The following COL4A4 variants were observed in gnomAD, a reference collection of about 807,000 sequenced individuals.
The protein encoded by COL4A4 is collagen alpha-4(IV) chain.
In COL4A4, 105 loss-of-function variants were observed where a neutral mutation model predicts 192.9. The ratio of observed to expected loss-of-function variants is 0.54; its 90% CI spans 0.46 to 0.64. The LOEUF (loss-of-function observed/expected upper bound fraction) is 0.64, where lower values mean the gene tolerates loss of function less well. Ranked by LOEUF, COL4A4 falls within the 30% of genes least tolerant of loss-of-function variation. The pLI is 0.00. For synonymous variants in COL4A4, 762 were observed against 769.9 expected, an observed-to-expected ratio of 0.99 and a Z score of 0.17; for missense variants, 1,967 against 2,169.3, an observed-to-expected ratio of 0.91 and a Z score of 1.85.
chr2:226,984,462 G>T, the COL4A4 span, among the ~76,000 whole-genome samples: 1 of 152,130 alleles, frequency 6.6e-6, no homozygotes, highest in South Asian at 2.1e-4. Flanking sequence ...CATCACGGGG[G>T]CTCCACCCTC....
At chr2:227,136,446 C>T in intron 4 of COL4A4, among the ~76,000 whole-genome samples, 1 of 152,182 alleles carries the variant, frequency 6.6e-6, no homozygotes, top group South Asian at 2.1e-4. Context: ...AATGAGTGGC[C>T]CAACTGCTGC....
At chr2:227,108,653 C>T (rs754882594) in intron 11 of COL4A4, 31 bp from the exon 12 acceptor site, 63 of 1,612,670 alleles carry the variant, frequency 3.9e-5, no homozygotes, top group Non-Finnish European at 5.3e-5. Flanking sequence ...AATCTAATTG[C>T]TTTTGAATTT....
chr2:227,118,594 C>A, intron 7 of COL4A4, 51 bp downstream of exon 7: 1 of 1,342,858 alleles, frequency 7.4e-7, no homozygotes, highest in Non-Finnish European at 1.1e-6. Context: ...TGTTCCACCA[C>A]AGGGCCTGTT....
intron 19 of COL4A4, among the ~76,000 whole-genome samples, chr2:227,096,619 T>A (rs1454304714): frequency 1.3e-5 from 2 of 152,320 alleles, no homozygotes; most frequent in Non-Finnish European, 1.5e-5. Flanking sequence ...TACACTAGAC[T>A]GCAGTCTAAA....
chr2:227,048,380 A>G (rs1411002876), intron 34 of COL4A4, among the ~76,000 whole-genome samples: 1 of 152,174 alleles, frequency 6.6e-6, no homozygotes, highest in Admixed American at 6.5e-5. Flanking sequence ...TCTTTCCTTG[A>G]GAAGATGGAA....
rs756949637 is a variant in COL4A4, at chr2:227,060,116, A to C, written c.2164+20T>G. The C allele has an allele frequency of 3.2e-5, 43 of 1,329,990 alleles. No homozygotes were observed. The highest frequency in any genetic ancestry group is 4.6e-5 in the East Asian group (2 of 43,632). The allele number at this position is 1,329,990 out of a possible 1,614,324, so 82.4% of individuals were successfully genotyped here. On this transcript the variant is annotated intron_variant, in intron 27 of 47. Transcript: ENST00000396625. The stretch of plus-strand genomic sequence containing the variant: ...TCCCAAAGCAGAAAAAAAAAAAAAA[A>C]AAAAAAAAACCTCACTGACCAGGTG...
chr2:227,049,000 C>T lies in COL4A4; in HGVS notation c.3214+1068G>A, dbSNP rs1576112585. Among the ~76,000 whole-genome samples the T allele has an allele frequency of 3.3e-5, 5 of 152,104 alleles. No homozygotes were observed. The East Asian group carries it at 9.7e-4, about 29-fold the overall frequency. On this transcript the variant is annotated intron_variant, in intron 34 of 47. Transcript: ENST00000396625. ...AGTAGTAAGGCAGAGGATTGTAGGT[C>T]ATTCATTAATTAGTATTTTATATTT...
At chr2:227,073,887 AC>A (rs1251236859) in intron 25 of COL4A4, among the ~76,000 whole-genome samples, 1 of 152,286 alleles carries the variant, frequency 6.6e-6, no homozygotes, top group East Asian at 1.9e-4. Flanking sequence ...CTCACCTTAT[AC>A]AAAAATCAAC....
At chr2:227,082,548 G>A (rs956732176) in intron 22 of COL4A4, among the ~76,000 whole-genome samples, 3 of 152,176 alleles carry the variant, frequency 2.0e-5, no homozygotes, top group East Asian at 1.9e-4. Context: ...CTTTATGACT[G>A]TGCAACGTCT....
chr2:226,973,324 T>G, the COL4A4 span, among the ~76,000 whole-genome samples: 75,115 of 152,080 alleles, frequency 0.49, 19,431 homozygotes, highest in African/African-American at 0.66. Context: ...AAAAAATTGT[T>G]TAAGACATTT....
intron 19 of COL4A4, 133 bp from the exon 20 acceptor site, chr2:227,094,422 T>C: frequency 1.2e-6 from 1 of 808,774 alleles, no homozygotes; most frequent in Non-Finnish European, 2.0e-6. Context: ...CTGGAGGTCA[T>C]TATGCTAAGT....
Position 227,068,578 on chromosome 2 carries a change from A to G in COL4A4, c.1988-5980T>C, listed in dbSNP as rs1286118794. Among the ~76,000 whole-genome samples, 12 of 152,356 alleles carry G rather than the reference A, an allele frequency of 7.9e-5. No individual in the cohort carries two copies. The South Asian group carries it at 2.1e-3, about 26-fold the overall frequency. On this transcript the variant is annotated intron_variant, in intron 25 of 47. Transcript: ENST00000396625. ...CTGGTTCAATATACGCGAATCAATA[A>G]ATGTAATCCAGCATATAAACAGAAC...
intron 35 of COL4A4, among the ~76,000 whole-genome samples, chr2:227,045,799 C>A (rs868862950): frequency 5.5e-5 from 3 of 54,296 alleles, no homozygotes; most frequent in South Asian, 6.9e-4. Context: ...TATATATATA[C>A]ACATATATAT....
the COL4A4 span, among the ~76,000 whole-genome samples, chr2:226,974,865 G>A: frequency 4.1e-4 from 62 of 152,164 alleles, no homozygotes; most frequent in Admixed American, 2.0e-3. Flanking sequence ...TCGCCAGTGC[G>A]TGGCTCAGGG....
At chr2:227,068,751 G>A (rs1359769598) in intron 25 of COL4A4, among the ~76,000 whole-genome samples, 27 of 149,468 alleles carry the variant, frequency 1.8e-4, no homozygotes, top group African/African-American at 6.5e-4. Context: ...CAAACCCACA[G>A]CCAATATCAT....
At chr2:227,105,313 C>T (rs891439345) in intron 12 of COL4A4, among the ~76,000 whole-genome samples, 1 of 151,206 alleles carries the variant, frequency 6.6e-6, no homozygotes, top group African/African-American at 2.4e-5. Context: ...GCCTCAGCCT[C>T]CTGAGTACCT....
At chr2:227,101,218 C>G (rs533663275) in intron 17 of COL4A4, among the ~76,000 whole-genome samples, 1 of 152,110 alleles carries the variant, frequency 6.6e-6, no homozygotes. Context: ...CCATGTAAGA[C>G]GTGACTTGCT....
intron 29 of COL4A4, 96 bp from the exon 30 acceptor site, chr2:227,056,211 C>G (rs1975314515): frequency 3.7e-6 from 4 of 1,066,962 alleles, no homozygotes; most frequent in Non-Finnish European, 5.8e-6. Flanking sequence ...ATGCGTTAAA[C>G]AACAGTAAAG....
intron 26 of COL4A4, among the ~76,000 whole-genome samples, chr2:227,061,410 G>T (rs924967179): frequency 2.6e-5 from 4 of 152,302 alleles, no homozygotes; most frequent in Non-Finnish European, 4.4e-5. Flanking sequence ...GGGAGCCTGT[G>T]AGCTGAGCTG....
Sources: allele counts gnomAD v4.1 joint callset (sites outside exome capture counted in the v4.1 genomes callset), GRCh38; gene constraint gnomAD v4.1.1; transcripts MANE v1.5; gene names NCBI Gene and HGNC (gene_info 2026-07-23, HGNC 2026-07-21).